Variants in KCNJ6 observed in about 807,000 individuals in gnomAD.
KCNJ6 encodes the protein G protein-activated inward rectifier potassium channel 2.
A neutral mutation model predicts 34.2 loss-of-function variants in KCNJ6; 9 were observed. That is an observed-to-expected ratio of 0.26 (90% CI 0.16 to 0.46). The LOEUF (loss-of-function observed/expected upper bound fraction) is 0.46, where lower values mean the gene tolerates loss of function less well. Among genes scored for constraint, KCNJ6 ranks in the 20% least tolerant of loss-of-function variants. KCNJ6 has a pLI of 1.00. For synonymous variants in KCNJ6, 196 were observed against 207.1 expected, an observed-to-expected ratio of 0.95 and a Z score of 0.46; for missense variants, 236 against 531.3, an observed-to-expected ratio of 0.44 and a Z score of 5.46.
intron 2 of KCNJ6, among the ~76,000 whole-genome samples, chr21:37,779,461 G>A (rs796380417): frequency 9.2e-5 from 14 of 152,298 alleles, no homozygotes; most frequent in African/African-American, 3.4e-4. Flanking sequence ...CTTGTCAAAA[G>A]TCCAATTATT....
intron 3 of KCNJ6, among the ~76,000 whole-genome samples, chr21:37,626,243 G>A (rs933611022): frequency 1.3e-5 from 2 of 150,588 alleles, no homozygotes; most frequent in Non-Finnish European, 2.9e-5. Flanking sequence ...CAATTCTCCT[G>A]TCTCAGACTT....
At position 37,674,725 on chromosome 21, in the gene KCNJ6, C is replaced by T. The variant is rs374051746; in HGVS notation, c.946+39486G>A. Reference sequence around the variant, plus strand: ...CTCACGTACTTCACCCCCTCCAGAGCCGTGATTCCTTTCCTTTCTGCACGT... The same window carrying T: ...CTCACGTACTTCACCCCCTCCAGAGTCGTGATTCCTTTCCTTTCTGCACGT... On this transcript the variant is annotated intron_variant, in intron 3 of 3. Coordinates refer to ENST00000609713, the MANE Select transcript of KCNJ6 (RefSeq NM_002240.5). Among the ~76,000 whole-genome samples the T allele has an allele frequency of 5.9e-4, 89 of 151,862 alleles. 1 individual carries two copies. The South Asian group carries it at 0.018, about 31-fold the overall frequency.
rs151051422 is a variant in KCNJ6 at position 37,907,948 on chromosome 21, C to A, written c.-28+7936G>T. Among the ~76,000 whole-genome samples the A allele has an allele frequency of 2.6e-4, 39 of 152,292 alleles. No individual in the cohort carries two copies. In the East Asian group the frequency reaches 6.7e-3, roughly 26 times the overall value. ...TAAATCCTGTCCTCAAAAACATTCT[C>A]TTCATTAAACAGAAGTTCCACTATG... On this transcript the variant is annotated intron_variant, in intron 1 of 3. Transcript: ENST00000609713.
At chr21:37,898,788 G>C (rs1340587272) in intron 1 of KCNJ6, among the ~76,000 whole-genome samples, 1 of 152,080 alleles carries the variant, frequency 6.6e-6, no homozygotes, top group African/African-American at 2.4e-5. Context: ...GGATACAGAG[G>C]TATTAGAAGA....
At chr21:37,689,290 G>A (rs1477313603) in intron 3 of KCNJ6, among the ~76,000 whole-genome samples, 2 of 24,802 alleles carry the variant, frequency 8.1e-5, no homozygotes, top group Non-Finnish European at 1.5e-4. Context: ...TAATTGCTCT[G>A]CAATCACTTC....
intron 3 of KCNJ6, among the ~76,000 whole-genome samples, chr21:37,696,803 A>T (rs978012598): frequency 2.0e-5 from 3 of 152,216 alleles, no homozygotes; most frequent in Non-Finnish European, 4.4e-5. Flanking sequence ...GATTAAAAAA[A>T]CTCACATGTA....
intron 2 of KCNJ6, among the ~76,000 whole-genome samples, chr21:37,727,874 T>C (rs763157076): frequency 1.3e-5 from 2 of 151,482 alleles, no homozygotes; most frequent in Admixed American, 6.6e-5. Context: ...AGTTGATTCA[T>C]TGAATTGAAT....
rs561461236 is a variant in KCNJ6, at chr21:37,757,986, G to A, written c.26-42855C>T. 3.3e-5 allele frequency among the ~76,000 whole-genome samples: 5 copies of A among 152,312 alleles called. No individual in the cohort carries two copies. The South Asian group carries it at 8.3e-4, about 25-fold the overall frequency. The stretch of plus-strand genomic sequence containing the variant: ...GTCCCTGCATTCACCCACCTCCTGC[G>A]AATGGCTTCCTGGCATTAGGTTTCA... On this transcript the variant is annotated intron_variant, in intron 2 of 3. Coordinates refer to ENST00000609713, the MANE Select transcript of KCNJ6 (RefSeq NM_002240.5).
At chr21:37,643,780 T>C (rs2054391789) in intron 3 of KCNJ6, among the ~76,000 whole-genome samples, 1 of 152,122 alleles carries the variant, frequency 6.6e-6, no homozygotes, top group Non-Finnish European at 1.5e-5. Context: ...TGAAAGTGAA[T>C]AGAAAGGTCT....
chr21:37,864,443 T>C (rs2055611782), intron 1 of KCNJ6, among the ~76,000 whole-genome samples: 1 of 152,188 alleles, frequency 6.6e-6, no homozygotes, highest in Non-Finnish European at 1.5e-5. Flanking sequence ...GTGTTTCTTT[T>C]TTAAAACATT....
At chr21:37,766,783 G>A (rs543931405) in intron 2 of KCNJ6, among the ~76,000 whole-genome samples, 2 of 152,300 alleles carry the variant, frequency 1.3e-5, no homozygotes, top group South Asian at 4.1e-4. Context: ...AGCAGGAGGT[G>A]AGTGGTGGAT....
In KCNJ6 at chr21:37,693,549, C is replaced by T. The variant is rs990930134; in HGVS notation, c.946+20662G>A. On this transcript the variant is annotated intron_variant, in intron 3 of 3. Coordinates refer to ENST00000609713, the MANE Select transcript of KCNJ6 (RefSeq NM_002240.5). The stretch of plus-strand genomic sequence containing the variant: ...TGGGCCTCTCTAGCAGGCAGGTGCT[C>T]GCCCCTGAGAACCTAGATCCTCTCA... 1.4e-4 allele frequency among the ~76,000 whole-genome samples: 21 copies of T among 151,976 alleles called. No individual in the cohort carries two copies. The South Asian group carries it at 2.1e-3, about 15-fold the overall frequency.
At chr21:37,625,534 A>G in intron 3 of KCNJ6, 50 bp from the exon 4 acceptor site, 1 of 1,417,292 alleles carries the variant, frequency 7.1e-7, no homozygotes. Context: ...TGGGCTTTCC[A>G]TGGCCAAGGA....
chr21:37,880,120 G>C (rs943879172), intron 1 of KCNJ6, among the ~76,000 whole-genome samples: 7 of 149,680 alleles, frequency 4.7e-5, no homozygotes, highest in African/African-American at 1.7e-4. Context: ...AAAATTAGCC[G>C]AGTATGATTG....
intron 2 of KCNJ6, among the ~76,000 whole-genome samples, chr21:37,788,453 G>A (rs1335533512): frequency 1.3e-5 from 2 of 152,126 alleles, no homozygotes; most frequent in African/African-American, 4.8e-5. Flanking sequence ...TTTGACCAAT[G>A]TGCCTGTGAA....
In KCNJ6 at chr21:37,608,360, G is replaced by A. The variant is rs2054231526; in HGVS notation, c.*16799C>T. The A allele has an allele frequency of 6.6e-6, 1 of 152,176 alleles. No homozygotes were observed. Among genetic ancestry groups the A allele is most frequent in the Admixed American group, 6.6e-5 (1 of 15,266 alleles). The allele number at this position is 152,176 out of a possible 1,614,324, so 9.4% of individuals were successfully genotyped here. A position where few individuals can be genotyped will look rare whatever the true frequency, so the allele number is the denominator to read the frequency against. On this transcript the variant is annotated 3_prime_UTR_variant, in exon 4 of 4. Transcript: ENST00000609713. Reference sequence around the variant, plus strand: ...TAAAATAGAGATGGGGTCTTGCTGTGTTGCACAGGCTAATCTTGAATTCCT... The same window carrying A: ...TAAAATAGAGATGGGGTCTTGCTGTATTGCACAGGCTAATCTTGAATTCCT...
chr21:37,778,930 T>C (rs552139296), intron 2 of KCNJ6, among the ~76,000 whole-genome samples: 1 of 152,240 alleles, frequency 6.6e-6, no homozygotes, highest in African/African-American at 2.4e-5. Context: ...GCCCTTATGA[T>C]CTGCCATAAT....
intron 3 of KCNJ6, among the ~76,000 whole-genome samples, chr21:37,667,186 T>TAAAAAAAAAAAAAAA (rs1569441641): frequency 3.2e-4 from 28 of 86,858 alleles, no homozygotes; most frequent in East Asian, 3.9e-4. Context: ...AAAAAAAAAT[T>TAAAAAAAAAAAAAAA]AAATGAGGCA....
intron 1 of KCNJ6, among the ~76,000 whole-genome samples, chr21:37,872,688 G>A (rs9305628): frequency 0.79 from 120,446 of 152,068 alleles, 48,298 homozygotes; most frequent in East Asian, 0.91. Flanking sequence ...GTGAATCTGC[G>A]CCTCCAAGAT....
Sources: allele counts gnomAD v4.1 joint callset (sites outside exome capture counted in the v4.1 genomes callset), GRCh38; gene constraint gnomAD v4.1.1; transcripts MANE v1.5; gene names NCBI Gene and HGNC (gene_info 2026-07-23, HGNC 2026-07-21).